Variants in ANXA3 observed in about 807,000 individuals in gnomAD.
ANXA3 encodes annexin A3, also known as 35-alpha calcimedin.
ANXA3 carries 46 observed loss-of-function variants against 48.8 expected under a neutral mutation model. That is an observed-to-expected ratio of 0.94 (90% confidence interval 0.74 to 1.21). The LOEUF is 1.21. ANXA3 is among the 50% of genes most tolerant of loss of function. The pLI is 0.00. For synonymous variants in ANXA3, 128 were observed against 134.7 expected (o/e 0.95, Z 0.35); for missense variants, 383 against 378.6 (o/e 1.01, Z -0.10).
Position 78,598,783 on chromosome 4 carries a change from G to A in ANXA3, c.730+1369G>A, listed in dbSNP as rs187799165. Reference sequence around the variant, plus strand: ...TCAAATTCCTGACCTCAAGTGATCCGCCCACCTCTGCCTCCCAAAGTGCTG... The same window carrying A: ...TCAAATTCCTGACCTCAAGTGATCCACCCACCTCTGCCTCCCAAAGTGCTG... On this transcript the variant is annotated intron_variant, in intron 10 of 12. Transcript: ENST00000264908. 3.4e-3 allele frequency among the ~76,000 whole-genome samples: 521 copies of A among 151,842 alleles called. 4 individuals carry two copies. The highest frequency in any genetic ancestry group is 0.017 in the Middle Eastern group (5 of 294).
chr4:78,594,469 C>G lies in ANXA3; in HGVS notation c.484-912C>G, dbSNP rs111916851. ...TATTAAAAAACTGCAGAACTGTCTT[C>G]CAAAGTGACTGTACCATTTTGCTTT... On this transcript the variant is annotated intron_variant, in intron 7 of 12. Coordinates refer to ENST00000264908, the MANE Select transcript of ANXA3 (RefSeq NM_005139.3). 3.3e-3 allele frequency among the ~76,000 whole-genome samples: 509 copies of G among 152,300 alleles called. 4 individuals are homozygous for G. Among genetic ancestry groups the G allele is most frequent in the Middle Eastern group, 0.024 (7 of 294 alleles).
intron 10 of ANXA3, among the ~76,000 whole-genome samples, chr4:78,600,169 A>G (rs1429241260): frequency 6.6e-6 from 1 of 152,092 alleles, no homozygotes; most frequent in Non-Finnish European, 1.5e-5. Flanking sequence ...GCCTGATGGA[A>G]GTGTGGTCAA....
chr4:78,561,772 G>A (rs908253312), intron 2 of ANXA3, among the ~76,000 whole-genome samples: 1 of 152,130 alleles, frequency 6.6e-6, no homozygotes, highest in Non-Finnish European at 1.5e-5. Context: ...AGTCTGCTGT[G>A]TGTTTTAAAC....
intron 2 of ANXA3, among the ~76,000 whole-genome samples, chr4:78,568,897 G>A (rs1722783684): frequency 6.6e-6 from 1 of 152,220 alleles, no homozygotes; most frequent in African/African-American, 2.4e-5. Flanking sequence ...TCTAGTTTAG[G>A]AGCAAAGACT....
intron 11 of ANXA3, chr4:78,602,614 C>G (rs919470058): frequency 6.6e-5 from 10 of 152,246 alleles, no homozygotes; most frequent in African/African-American, 2.4e-4. Flanking sequence ...ATGGTGCGCT[C>G]CATGAGTACA....
rs114793702 is a variant in ANXA3 at position 78,596,152 on chromosome 4, G to T, written c.634+265G>T. ...GAGGGAGGTGGCAGGGAGAAGAAAA[G>T]AGGCCACCCTCTAGGGTGAGAGTAG... On this transcript the variant is annotated intron_variant, in intron 9 of 12. Coordinates refer to ENST00000264908, the MANE Select transcript of ANXA3 (RefSeq NM_005139.3). Among the ~76,000 whole-genome samples the T allele has an allele frequency of 2.1e-3, 324 of 152,286 alleles. 1 individual carries two copies. The highest frequency in any genetic ancestry group is 7.3e-3 in the African/African-American group (305 of 41,556).
chr4:78,596,486 T>C (rs1237717132), intron 9 of ANXA3, among the ~76,000 whole-genome samples: 1 of 152,236 alleles, frequency 6.6e-6, no homozygotes, highest in African/African-American at 2.4e-5. Flanking sequence ...ATCTTCTGAC[T>C]GTGGCTTCCA....
chr4:78,582,148 C>A, intron 4 of ANXA3, 29 bp from the exon 5 acceptor site: 1 of 1,469,262 alleles, frequency 6.8e-7, no homozygotes, highest in African/African-American at 1.4e-5. Flanking sequence ...AAGTATTTCA[C>A]ATTTTTCCCC....
chr4:78,587,412 A>G (rs1723200498), intron 6 of ANXA3, among the ~76,000 whole-genome samples: 1 of 152,268 alleles, frequency 6.6e-6, no homozygotes, highest in South Asian at 2.1e-4. Flanking sequence ...GAGACCAACC[A>G]TGAATAACAA....
intron 2 of ANXA3, 94 bp downstream of exon 2, chr4:78,554,582 TTTTAAG>T (rs1722471224): frequency 8.6e-7 from 1 of 1,157,594 alleles, no homozygotes; most frequent in African/African-American, 1.5e-5. Context: ...TTAGGAAAGT[TTTTAAG>T]TTTATCTGGC....
rs938492371 is a variant in ANXA3, at chr4:78,556,485, C to T, written c.15+1997C>T. On this transcript the variant is annotated intron_variant, in intron 2 of 12. Coordinates refer to ENST00000264908, the MANE Select transcript of ANXA3 (RefSeq NM_005139.3). ...GGAATTTTACTTTTCAATATATCAC[C>T]TTCTGTACTGTTTGATTTTTTTTTT... is the stretch of plus-strand genomic sequence containing the variant. Among the ~76,000 whole-genome samples the T allele has an allele frequency of 6.6e-5, 10 of 151,926 alleles. No individual in the cohort carries two copies. The East Asian group carries it at 7.7e-4, about 12-fold the overall frequency.
At chr4:78,553,811 T>C (rs1722451890) in intron 1 of ANXA3, 2 of 152,352 alleles carry the variant, frequency 1.3e-5, no homozygotes, top group Non-Finnish European at 1.5e-5. Flanking sequence ...AAATCAACCC[T>C]GGAGATATGC....
chr4:78,553,869 C>CAATCAAAGA (rs1380856112), intron 1 of ANXA3: 3 of 152,198 alleles, frequency 2.0e-5, no homozygotes, highest in African/African-American at 7.2e-5. Flanking sequence ...TCTGGCTTCC[C>CAATCAAAGA]AATCAAAGAA....
chr4:78,575,830 T>A (rs1722939511), intron 3 of ANXA3, among the ~76,000 whole-genome samples: 1 of 152,244 alleles, frequency 6.6e-6, no homozygotes, highest in Non-Finnish European at 1.5e-5. Context: ...CCTACTTTTT[T>A]TTTCAAAGTT....
At chr4:78,552,394 T>A (rs977832607) in intron 1 of ANXA3, 1 of 151,844 alleles carries the variant, frequency 6.6e-6, no homozygotes, top group Non-Finnish European at 1.5e-5. Flanking sequence ...ATTTTACTTA[T>A]TTTTTTTAGA....
chr4:78,605,778 T>C (rs1016939785), intron 12 of ANXA3, among the ~76,000 whole-genome samples: 4 of 152,236 alleles, frequency 2.6e-5, no homozygotes, highest in African/African-American at 9.6e-5. Context: ...AAACTTCAAA[T>C]AAATTACAAA....
At chr4:78,582,809 T>G (rs181767768) in intron 5 of ANXA3, among the ~76,000 whole-genome samples, 1 of 152,362 alleles carries the variant, frequency 6.6e-6, no homozygotes, top group East Asian at 1.9e-4. Flanking sequence ...AAATTCATTC[T>G]ACACAGAATA....
At chr4:78,589,251 T>TA (rs1723240016) in intron 6 of ANXA3, among the ~76,000 whole-genome samples, 1 of 152,238 alleles carries the variant, frequency 6.6e-6, no homozygotes, top group Non-Finnish European at 1.5e-5. Flanking sequence ...GTTGTGCAGA[T>TA]ATGACAGATG....
intron 2 of ANXA3, among the ~76,000 whole-genome samples, chr4:78,557,159 C>G (rs1213713628): frequency 6.6e-6 from 1 of 152,132 alleles, no homozygotes; most frequent in Non-Finnish European, 1.5e-5. Context: ...TTGCTGGCTG[C>G]CAGCAGAAGC....
Sources: gnomAD v4.1 joint callset for allele counts (sites outside exome capture counted in the v4.1 genomes callset) on GRCh38, gnomAD v4.1.1 for gene constraint, MANE v1.5 for transcripts, NCBI Gene and HGNC (gene_info 2026-07-23, HGNC 2026-07-21) for gene names.